FHOD3: variants seen among roughly 807,000 people sequenced by gnomAD.
The protein encoded by FHOD3 is FH1/FH2 domain-containing protein 3.
A neutral mutation model predicts 173.0 loss-of-function variants in FHOD3; 90 were observed. The ratio of observed to expected loss-of-function variants is 0.52; its 90% CI spans 0.44 to 0.62. The LOEUF (loss-of-function observed/expected upper bound fraction) is 0.62. Among genes scored for constraint, FHOD3 ranks in the 20% least tolerant of loss-of-function variants. The pLI is 0.00. For synonymous variants in FHOD3, 828 were observed against 823.0 expected (o/e 1.01, Z -0.10); for missense variants, 1,945 against 2,034.7 (o/e 0.96, Z 0.85).
intron 3 of FHOD3, among the ~76,000 whole-genome samples, chr18:36,489,291 G>A (rs920925937): frequency 6.6e-6 from 1 of 152,176 alleles, no homozygotes; most frequent in Non-Finnish European, 1.5e-5. Flanking sequence ...CTGCCAGTAG[G>A]GGGGTGAGTA....
At chr18:36,420,056 C>G (rs2049907376) in intron 3 of FHOD3, among the ~76,000 whole-genome samples, 1 of 152,186 alleles carries the variant, frequency 6.6e-6, no homozygotes, top group East Asian at 1.9e-4. Context: ...TCTGTCTCCT[C>G]TTGGACTCAG....
chr18:36,755,796 T>C (rs1453820388), intron 25 of FHOD3, among the ~76,000 whole-genome samples: 2 of 152,230 alleles, frequency 1.3e-5, no homozygotes, highest in Non-Finnish European at 2.9e-5. Flanking sequence ...AATAAACTGA[T>C]GTGATTGCTC....
chr18:36,659,379 C>T (rs2036628936), intron 14 of FHOD3, among the ~76,000 whole-genome samples: 1 of 152,176 alleles, frequency 6.6e-6, no homozygotes, highest in South Asian at 2.1e-4. Flanking sequence ...CCGAAGACAC[C>T]ATTACCTGTC....
Position 36,726,047 on chromosome 18 carries a change from A to G in FHOD3, c.3418-4599A>G, listed in dbSNP as rs547596865. 5.3e-5 allele frequency among the ~76,000 whole-genome samples: 8 copies of G among 152,068 alleles called. No individual in the cohort carries two copies. In the East Asian group the frequency reaches 1.5e-3, roughly 29 times the overall value. On this transcript the variant is annotated intron_variant, in intron 19 of 28. Transcript: ENST00000590592. ...GACATTTTTTTTTCTAACTCCAAAA[A>G]CAAATCTTATGGGGATTTTGATAGG...
chr18:36,351,408 T>C (rs553031718), intron 1 of FHOD3, among the ~76,000 whole-genome samples: 4 of 152,172 alleles, frequency 2.6e-5, no homozygotes, highest in Non-Finnish European at 5.9e-5. Context: ...CTGCTAACGA[T>C]AGCAGAAGGG....
intron 6 of FHOD3, among the ~76,000 whole-genome samples, chr18:36,590,284 C>G (rs920639022): frequency 1.3e-5 from 2 of 152,114 alleles, no homozygotes; most frequent in Non-Finnish European, 2.9e-5. Context: ...GGTGTGTGGC[C>G]TCCACTGTGG....
intron 15 of FHOD3, among the ~76,000 whole-genome samples, chr18:36,684,479 G>A (rs2038469276): frequency 6.6e-6 from 1 of 151,594 alleles, no homozygotes; most frequent in African/African-American, 2.4e-5. Context: ...TGAAACAAAT[G>A]AAAAGATGTC....
intron 3 of FHOD3, among the ~76,000 whole-genome samples, chr18:36,466,925 A>G (rs529717419): frequency 6.6e-6 from 1 of 151,018 alleles, no homozygotes; most frequent in Non-Finnish European, 1.5e-5. Flanking sequence ...CAAGTTGCTT[A>G]TTAACTTCTC....
rs1357476282 is a variant in FHOD3 at position 36,321,491 on chromosome 18, G to A, written c.165+23491G>A. Among the ~76,000 whole-genome samples, 4 of 152,170 alleles carry A rather than the reference G, an allele frequency of 2.6e-5. No homozygotes were observed. The East Asian group carries it at 5.8e-4, about 22-fold the overall frequency. ...AAGTGATTTCTGTTTTTTCTCTCCT[G>A]GCTTGGAGCTTTCTGCAAATGGGAC... On this transcript the variant is annotated intron_variant, in intron 1 of 28. Transcript: ENST00000590592.
At chr18:36,343,226 T>A (rs1202626389) in intron 1 of FHOD3, among the ~76,000 whole-genome samples, 1 of 152,194 alleles carries the variant, frequency 6.6e-6, no homozygotes, top group Non-Finnish European at 1.5e-5. Context: ...AGTAGTATTA[T>A]TCATAGTAGC....
rs58493993 is a variant in FHOD3 at position 36,514,014 on chromosome 18, CTTTT to C, written c.511+1480_511+1483del. Among the ~76,000 whole-genome samples, 3 of 104,662 alleles carry C rather than the reference CTTTT, an allele frequency of 2.9e-5. 1 individual carries two copies. The East Asian group carries it at 8.3e-4, about 29-fold the overall frequency. 68.7% of individuals were successfully genotyped at this position (104,662 alleles called of 152,430 possible). Reference sequence around the variant, plus strand: ...ATTGCTGAATTTTGCTATTTCTATTCTTTTTTTTTTTTGAGATGGAGTCTTGCTC... The same window carrying C: ...ATTGCTGAATTTTGCTATTTCTATTCTTTTTTTTGAGATGGAGTCTTGCTC... On this transcript the variant is annotated intron_variant, in intron 5 of 28. Coordinates refer to ENST00000590592, the MANE Select transcript of FHOD3 (RefSeq NM_001281740.3).
At chr18:36,749,830 C>T (rs960255896) in intron 24 of FHOD3, among the ~76,000 whole-genome samples, 2 of 152,174 alleles carry the variant, frequency 1.3e-5, no homozygotes, top group African/African-American at 2.4e-5. Flanking sequence ...TTTTCCACAA[C>T]TTCACCAACA....
Position 36,512,555 on chromosome 18 carries a change from C to T in FHOD3, c.511+12C>T, listed in dbSNP as rs2055713637. On this transcript the variant is annotated intron_variant, in intron 5 of 28. Coordinates refer to ENST00000590592, the MANE Select transcript of FHOD3 (RefSeq NM_001281740.3). Reference sequence around the variant, plus strand: ...CTACATCTTAAGGGGTAAGTCATGACTGGGCATGCAGCAGCTGCCCCAGCT... The same window carrying T: ...CTACATCTTAAGGGGTAAGTCATGATTGGGCATGCAGCAGCTGCCCCAGCT... The T allele has an allele frequency of 3.8e-6, 6 of 1,593,002 alleles. No individual in the cohort carries two copies. In the South Asian group the frequency reaches 6.6e-5, roughly 18 times the overall value.
chr18:36,437,668 T>TA (rs1169532291), intron 3 of FHOD3, among the ~76,000 whole-genome samples: 1 of 116,502 alleles, frequency 8.6e-6, no homozygotes, highest in African/African-American at 3.0e-5. Flanking sequence ...TTTCTTTCTT[T>TA]TTTTTTTTTT....
chr18:36,646,565 A>C (rs2035696360), intron 10 of FHOD3, among the ~76,000 whole-genome samples: 1 of 152,218 alleles, frequency 6.6e-6, no homozygotes, highest in Non-Finnish European at 1.5e-5. Context: ...TATTAACCTG[A>C]TTTGTGAACA....
chr18:36,646,320 G>T (rs1190797073), intron 10 of FHOD3, among the ~76,000 whole-genome samples: 1 of 151,972 alleles, frequency 6.6e-6, no homozygotes, highest in African/African-American at 2.4e-5. Context: ...TAAAAATAAA[G>T]ATATCTAAGA....
chr18:36,482,463 G>T (rs1018333370), intron 3 of FHOD3, among the ~76,000 whole-genome samples: 1 of 151,810 alleles, frequency 6.6e-6, no homozygotes. Flanking sequence ...CCCCCGCCCC[G>T]CAAGGCATGA....
intron 20 of FHOD3, among the ~76,000 whole-genome samples, chr18:36,737,582 A>C (rs2041700741): frequency 6.6e-6 from 1 of 152,192 alleles, no homozygotes; most frequent in African/African-American, 2.4e-5. Context: ...GCCCTGGTGA[A>C]GGGAAAGTTG....
Position 36,315,225 on chromosome 18 carries a change from G to A in FHOD3, c.165+17225G>A, listed in dbSNP as rs557276857. ...GAAAGATACCTGTGCATAATGTGGG[G>A]ACTGTGCTTTTGCAGGAAATTGTGA... On this transcript the variant is annotated intron_variant, in intron 1 of 28. Coordinates refer to ENST00000590592, the MANE Select transcript of FHOD3 (RefSeq NM_001281740.3). 1.6e-4 allele frequency among the ~76,000 whole-genome samples: 25 copies of A among 152,322 alleles called. No individual in the cohort carries two copies. The South Asian group carries it at 5.2e-3, about 32-fold the overall frequency.
Sources: allele counts gnomAD v4.1 joint callset (sites outside exome capture counted in the v4.1 genomes callset), GRCh38; gene constraint gnomAD v4.1.1; transcripts MANE v1.5; gene names NCBI Gene and HGNC (gene_info 2026-07-23, HGNC 2026-07-21).